Variants in CDC27 observed in about 807,000 individuals in gnomAD.
CDC27 encodes cell division cycle protein 27 homolog.
CDC27 carries 27 observed loss-of-function variants against 109.7 expected under a neutral mutation model. The observed-to-expected ratio is 0.25, with a 90% CI of 0.18 to 0.34. The LOEUF is 0.34. Among genes scored for constraint, CDC27 ranks in the 10% least tolerant of loss-of-function variants. The probability of loss-of-function intolerance (pLI) is 1.00; values close to 1 mark genes in which losing one functional copy is unlikely to be tolerated. For missense variants in CDC27, 579 were observed against 960.2 expected (o/e 0.60, Z 5.25); for synonymous variants, 266 against 333.9 (o/e 0.80, Z 2.22).
At position 47,159,739 on chromosome 17, in the gene CDC27, C is replaced by T. The variant is rs1372556097; in HGVS notation, c.378-1436G>A. 12 of 412,266 alleles carry T rather than the reference C, an allele frequency of 2.9e-5. 1 individual carries two copies. The highest frequency in any genetic ancestry group is 2.0e-4 in the East Asian group (3 of 14,864). The allele number at this position is 412,266 out of a possible 1,614,324, so 25.5% of individuals were successfully genotyped here. A position where few individuals can be genotyped will look rare whatever the true frequency, so the allele number is the denominator to read the frequency against. ...CCTGGCTGGCACGGGTCTGCTTCTG[C>T]ACCGGCATAATCTTCAAAACCTTGT... On this transcript the variant is annotated intron_variant, in intron 4 of 18. Transcript: ENST00000066544.
intron 16 of CDC27, among the ~76,000 whole-genome samples, chr17:47,128,734 C>T (rs2062225817): frequency 6.6e-6 from 1 of 151,880 alleles, no homozygotes; most frequent in Admixed American, 6.6e-5. Context: ...GAATAATGCA[C>T]ACACATTCGT....
At chr17:47,169,866 A>G in intron 4 of CDC27, 51 bp downstream of exon 4, 2 of 1,488,602 alleles carry the variant, frequency 1.3e-6, no homozygotes, top group Admixed American at 2.3e-5. Context: ...AAACTATAAA[A>G]CATACTTGTA....
intron 14 of CDC27, among the ~76,000 whole-genome samples, chr17:47,134,474 G>GTTTTTT (rs112150744): frequency 4.8e-5 from 7 of 146,766 alleles, no homozygotes; most frequent in African/African-American, 1.8e-4. Context: ...ATGCCTAATT[G>GTTTTTT]TTTTTTTTTT....
chr17:47,126,562 C>A (rs1292264280), intron 16 of CDC27, among the ~76,000 whole-genome samples: 2 of 152,116 alleles, frequency 1.3e-5, no homozygotes, highest in East Asian at 3.9e-4. Context: ...ATAGTCCAGA[C>A]AACTGATGAG....
At chr17:47,121,947 T>A (rs1158824242) in intron 18 of CDC27, among the ~76,000 whole-genome samples, 1 of 151,958 alleles carries the variant, frequency 6.6e-6, no homozygotes, top group African/African-American at 2.4e-5. Context: ...ACCATGTTGG[T>A]CAGCTGGTGT....
Position 47,141,863 on chromosome 17 carries a change from T to C in CDC27, c.1541A>G (p.Glu514Gly). 1 of 1,590,754 alleles carries C rather than the reference T, an allele frequency of 6.3e-7. No homozygotes were observed. Among genetic ancestry groups the C allele is most frequent in the Non-Finnish European group, 8.5e-7 (1 of 1,171,270 alleles). Residue 514 changes from glutamate to glycine, a missense_variant, in exon 12 of 19, where the codon GAG (glutamate) becomes GGG (glycine). By Grantham distance (98) the Glu-to-Gly change is moderately conservative (BLOSUM62 -2). This residue lies in a region of CDC27 where 227 missense variants were observed against 363.6 expected (regional missense o/e 0.62). Transcript: ENST00000066544. The stretch of plus-strand genomic sequence containing the variant: ...ATTTTCTATACTTACTTGCATGTAC[T>C]CTGAAAGTTCAAAATAGGCCCTTCC... ...QIGRAYFELS[E>G]YMQAERIFSE...
intron 9 of CDC27, among the ~76,000 whole-genome samples, chr17:47,150,871 A>G (rs1296278858): frequency 2.0e-5 from 3 of 152,114 alleles, no homozygotes; most frequent in Non-Finnish European, 1.5e-5. Context: ...TGTCTTTACT[A>G]AAAATACAAA....
chr17:47,130,251 C>T (rs1598403534), intron 15 of CDC27, among the ~76,000 whole-genome samples: 2 of 152,074 alleles, frequency 1.3e-5, no homozygotes, highest in African/African-American at 4.8e-5. Flanking sequence ...GTCCGAGCTA[C>T]TTGGGAGGCT....
At chr17:47,154,407 A>G (rs2063237569) in intron 8 of CDC27, among the ~76,000 whole-genome samples, 1 of 152,208 alleles carries the variant, frequency 6.6e-6, no homozygotes, top group Non-Finnish European at 1.5e-5. Context: ...GATTATGTTT[A>G]TTTAACTATA....
intron 3 of CDC27, among the ~76,000 whole-genome samples, chr17:47,171,593 T>C (rs1442054485): frequency 6.6e-6 from 1 of 152,208 alleles, no homozygotes; most frequent in African/African-American, 2.4e-5. Flanking sequence ...TAATCTCAAG[T>C]GAGCTGGTGG....
At chr17:47,165,718 T>G (rs1020747891) in intron 4 of CDC27, among the ~76,000 whole-genome samples, 20 of 152,214 alleles carry the variant, frequency 1.3e-4, no homozygotes, top group African/African-American at 4.8e-4. Context: ...GGTGTTATGT[T>G]TAAGAAGTCT....
intron 4 of CDC27, 68 bp from the exon 5 acceptor site, chr17:47,158,371 TA>T: frequency 1.4e-6 from 1 of 713,826 alleles, no homozygotes; most frequent in Non-Finnish European, 2.1e-6. Flanking sequence ...ACTTTTAGTA[TA>T]AAAAATTAGG....
chr17:47,143,234 G>A (rs1007376633), intron 10 of CDC27, among the ~76,000 whole-genome samples: 2 of 152,172 alleles, frequency 1.3e-5, no homozygotes, highest in East Asian at 3.8e-4. Context: ...AAAGTGCTAG[G>A]ATTACAGGCG....
At position 47,158,379 on chromosome 17, in the gene CDC27, T is replaced by A. The variant is rs974855094; in HGVS notation, c.378-76A>T. ...ATCATAAACTTTTAGTATAAAAAAT[T>A]AGGTAAAAGTTACAGAAGTTCAGAG... On this transcript the variant is annotated intron_variant, in intron 4 of 18. Transcript: ENST00000066544. 1.9e-5 allele frequency: 12 copies of A among 626,118 alleles called. No homozygotes were observed. The African/African-American group carries it at 2.1e-4, about 11-fold the overall frequency. 38.8% of individuals were successfully genotyped at this position (626,118 alleles called of 1,614,324 possible).
At chr17:47,160,183 G>A (rs1298765346) in intron 4 of CDC27, among the ~76,000 whole-genome samples, 6 of 151,296 alleles carry the variant, frequency 4.0e-5, no homozygotes, top group Non-Finnish European at 2.9e-5. Context: ...ATATATACTT[G>A]GAAAAATCTG....
chr17:47,184,500 G>A (rs1451838435), intron 1 of CDC27, among the ~76,000 whole-genome samples: 1 of 152,106 alleles, frequency 6.6e-6, no homozygotes, highest in Admixed American at 6.6e-5. Context: ...AAGTCCTAGA[G>A]CTTTGAAATT....
intron 1 of CDC27, chr17:47,188,905 G>A (rs1245156438): frequency 5.7e-6 from 8 of 1,391,430 alleles, no homozygotes; most frequent in Non-Finnish European, 7.5e-6. Flanking sequence ...GCTCGGACGG[G>A]AAAGGCGGTT....
At position 47,119,697 on chromosome 17, in the gene CDC27, C is replaced by A. The variant is rs192792234; in HGVS notation, c.*1238G>T. 1 of 152,252 alleles carries A rather than the reference C, an allele frequency of 6.6e-6. No individual in the cohort carries two copies. Among genetic ancestry groups the A allele is most frequent in the East Asian group, 1.9e-4 (1 of 5,190 alleles). The allele number at this position is 152,252 out of a possible 1,614,324, so 9.4% of individuals were successfully genotyped here. A position where few individuals can be genotyped will look rare whatever the true frequency, so the allele number is the denominator to read the frequency against. On this transcript the variant is annotated 3_prime_UTR_variant, in exon 19 of 19. Coordinates refer to ENST00000066544, the MANE Select transcript of CDC27 (RefSeq NM_001256.6). ...ATTCCAATAATTATCATTTTATATG[C>A]ATAATTGAATTCTTAAAATTGTGGC...
At chr17:47,158,109 G>T in intron 5 of CDC27, 97 bp downstream of exon 5, 1 of 458,208 alleles carries the variant, frequency 2.2e-6, no homozygotes, top group Non-Finnish European at 4.0e-6. Flanking sequence ...TATTTTTCTT[G>T]GGGGTAGATG....
Sources: allele counts gnomAD v4.1 joint callset (sites outside exome capture counted in the v4.1 genomes callset), GRCh38; gene constraint gnomAD v4.1.1; regional missense constraint gnomAD v4.1.1; transcripts MANE v1.5; gene names NCBI Gene and HGNC (gene_info 2026-07-23, HGNC 2026-07-21).